ZIM2: variants seen among roughly 807,000 people sequenced by gnomAD.
ZIM2 encodes the protein zinc finger protein 656.
A neutral mutation model predicts 38.6 loss-of-function variants in ZIM2; 14 were observed. The observed-to-expected ratio is 0.36, with a 90% confidence interval of 0.24 to 0.57. ZIM2 has a LOEUF of 0.57. ZIM2 is among the 20% of genes least tolerant of loss of function. The pLI, the probability that ZIM2 is intolerant of heterozygous loss-of-function variation, is 0.81. For synonymous variants in ZIM2, 247 were observed against 245.8 expected, an observed-to-expected ratio of 1.00 and a Z score of -0.04; for missense variants, 680 against 695.1, an observed-to-expected ratio of 0.98 and a Z score of 0.24.
At chr19:56,790,587 G>C (rs2046879684) in intron 9 of ZIM2, among the ~76,000 whole-genome samples, 1 of 152,100 alleles carries the variant, frequency 6.6e-6, no homozygotes. Context: ...TGTTCATGTA[G>C]ACCTTATTTT....
At chr19:56,778,921 A>G (rs970518614) in intron 12 of ZIM2, among the ~76,000 whole-genome samples, 7 of 152,204 alleles carry the variant, frequency 4.6e-5, no homozygotes, top group Middle Eastern at 3.4e-3. Flanking sequence ...AAGAGCGTAT[A>G]TGTGTGTCTG....
In ZIM2 at chr19:56,782,008, C is replaced by T. The variant is rs371209413; in HGVS notation, c.684G>A (p.Gln228=). ...GCATCACCTCCCTGTAGAGGTTTCT[C>T]TGAGCAGCACTAAGGGAACTAAGTT... ...PEELSSLSAA[Q]RNLYREVMLE... is the part of the protein sequence containing the mutation. The change falls in exon 11 of 13, where the codon CAG becomes CAA. Residue 228 remains glutamine (Q), a synonymous_variant. Coordinates refer to ENST00000629319, the MANE Select transcript of ZIM2 (RefSeq NM_001387356.1). 2.2e-5 allele frequency: 36 copies of T among 1,613,994 alleles called. No individual in the cohort carries two copies. Among genetic ancestry groups the T allele is most frequent in the Non-Finnish European group, 2.7e-5 (32 of 1,179,922 alleles).
At chr19:56,823,119 A>G (rs1247710847) in intron 5 of ZIM2, among the ~76,000 whole-genome samples, 4 of 152,180 alleles carry the variant, frequency 2.6e-5, no homozygotes, top group Admixed American at 6.5e-5. Flanking sequence ...CTGGCTTCCC[A>G]GTTCCTAAGG....
At chr19:56,798,994 AAC>A (rs2047365413) in intron 9 of ZIM2, 1 of 152,202 alleles carries the variant, frequency 6.6e-6, no homozygotes, top group South Asian at 2.1e-4. Flanking sequence ...AAGAAAAATG[AAC>A]ACTTTTATAC....
rs2045934134 is a variant in ZIM2 at position 56,775,134 on chromosome 19, C to G, written c.1231G>C (p.Gly411Arg). ...TCATTGCAGCCAGAAGTCTTCCTACCAGAATGGGTCTTCTGATGTCTGTTG... is the reference window on the plus strand; with the variant it reads ...TCATTGCAGCCAGAAGTCTTCCTACGAGAATGGGTCTTCTGATGTCTGTTG... Reference protein sequence around the residue: ...HLNRHQKTHSGRKTSGCNEGR... With the variant: ...HLNRHQKTHSRRKTSGCNEGR... Residue 411 changes from glycine (G) to arginine (R), a missense_variant, in exon 13 of 13, where the codon GGT becomes CGT. Transcript: ENST00000629319. 6.2e-7 allele frequency: 1 copy of G among 1,614,140 alleles called. No individual in the cohort carries two copies. The highest frequency in any genetic ancestry group is 1.3e-5 in the African/African-American group (1 of 75,016).
intron 9 of ZIM2, chr19:56,812,228 T>C (rs1600857588): frequency 1.0e-6 from 1 of 981,650 alleles, no homozygotes; most frequent in East Asian, 1.1e-4. Context: ...GCACAGGTAG[T>C]CCACAGAATA....
At chr19:56,815,040 C>T in intron 9 of ZIM2, 1 of 1,614,174 alleles carries the variant, frequency 6.2e-7, no homozygotes, top group Non-Finnish European at 8.5e-7. Context: ...GACTGTCAAC[C>T]AGGCACTTCC....
intron 9 of ZIM2, among the ~76,000 whole-genome samples, chr19:56,801,789 C>G (rs2047537411): frequency 6.6e-6 from 1 of 152,182 alleles, no homozygotes. Flanking sequence ...GCTCGATGCT[C>G]TCATCTCAAG....
At chr19:56,833,564 T>C (rs187066875) in intron 2 of ZIM2, 3 of 206,308 alleles carry the variant, frequency 1.5e-5, no homozygotes, top group Admixed American at 5.3e-5. Flanking sequence ...TGCTACAGCC[T>C]GATTCCTTCT....
Position 56,815,428 on chromosome 19 carries a change from G to A in ZIM2, c.490+2318C>T, listed in dbSNP as rs139783530. Reference sequence around the variant, plus strand: ...AGTAGGGGCCAAGCTGCGAATGACAGACCATTCATAGTTTCTGCTTCCAGA... The same window carrying A: ...AGTAGGGGCCAAGCTGCGAATGACAAACCATTCATAGTTTCTGCTTCCAGA... On this transcript the variant is annotated intron_variant, in intron 9 of 12. Transcript: ENST00000629319. 49 of 1,613,934 alleles carry A rather than the reference G, an allele frequency of 3.0e-5. No individual in the cohort carries two copies. The African/African-American group carries it at 6.1e-4, about 20-fold the overall frequency.
intron 2 of ZIM2, among the ~76,000 whole-genome samples, chr19:56,829,669 C>T (rs550683552): frequency 5.0e-4 from 76 of 152,200 alleles, no homozygotes; most frequent in Non-Finnish European, 7.5e-4. Context: ...CCTTCCTGGC[C>T]GAGTGGCCCA....
intron 9 of ZIM2, chr19:56,791,053 AG>A (rs2046906775): frequency 6.6e-6 from 1 of 152,046 alleles, no homozygotes; most frequent in African/African-American, 2.4e-5. Flanking sequence ...CTGGTACCCT[AG>A]GGAACTCTCT....
At chr19:56,832,117 C>T (rs2061626942) in intron 2 of ZIM2, among the ~76,000 whole-genome samples, 1 of 152,216 alleles carries the variant, frequency 6.6e-6, no homozygotes, top group African/African-American at 2.4e-5. Context: ...TAACAAGTCT[C>T]TGTTTCTTTT....
At chr19:56,835,676 G>A (rs1267761827) in intron 2 of ZIM2, among the ~76,000 whole-genome samples, 6 of 152,232 alleles carry the variant, frequency 3.9e-5, no homozygotes, top group Non-Finnish European at 8.8e-5. Context: ...TTGGGGCTAT[G>A]TCCCAGTACC....
In ZIM2 at chr19:56,774,580, T is replaced by C. The variant is rs2045912020; in HGVS notation, c.*108A>G. ...TTTTTTTACCACACTTTGATGAATGTTCAAGTTGTTAACAAGGTGGGGCTA... is the reference window on the plus strand; with the variant it reads ...TTTTTTTACCACACTTTGATGAATGCTCAAGTTGTTAACAAGGTGGGGCTA... On this transcript the variant is annotated 3_prime_UTR_variant, in exon 13 of 13. Transcript: ENST00000629319. The C allele has an allele frequency of 4.1e-6, 6 of 1,466,302 alleles. No individual in the cohort carries two copies. The highest frequency in any genetic ancestry group is 1.8e-6 in the Non-Finnish European group (2 of 1,101,078). 90.8% of individuals were successfully genotyped at this position (1,466,302 alleles called of 1,614,324 possible).
intron 9 of ZIM2, chr19:56,815,928 T>C: frequency 6.2e-7 from 1 of 1,607,434 alleles, no homozygotes; most frequent in Non-Finnish European, 8.5e-7. Flanking sequence ...TGGAAGCCAC[T>C]AAGCTATGGA....
At chr19:56,803,492 T>C (rs1458257441) in intron 9 of ZIM2, among the ~76,000 whole-genome samples, 1 of 152,170 alleles carries the variant, frequency 6.6e-6, no homozygotes, top group African/African-American at 2.4e-5. Flanking sequence ...AGCTTGTTGC[T>C]CTAACCCAGG....
intron 10 of ZIM2, 126 bp downstream of exon 10, chr19:56,789,746 T>A (rs1288992498): frequency 8.4e-6 from 7 of 837,790 alleles, no homozygotes; most frequent in Non-Finnish European, 1.2e-5. Flanking sequence ...AAAGGCTCAG[T>A]AAAGTGATAT....
intron 8 of ZIM2, 112 bp downstream of exon 8, chr19:56,818,488 C>T: frequency 8.8e-7 from 1 of 1,141,504 alleles, no homozygotes; most frequent in Admixed American, 2.5e-5. Flanking sequence ...TCTTATTACC[C>T]TTGAAGTCCA....
Sources: gnomAD v4.1 joint callset for allele counts (sites outside exome capture counted in the v4.1 genomes callset) on GRCh38, gnomAD v4.1.1 for gene constraint, MANE v1.5 for transcripts, NCBI Gene and HGNC (gene_info 2026-07-23, HGNC 2026-07-21) for gene names.